Variants in PTPRD observed in about 807,000 individuals in gnomAD.
PTPRD encodes protein tyrosine phosphatase receptor type D, also known as receptor-type tyrosine-protein phosphatase delta.
Under a neutral mutation model 214.5 loss-of-function variants are expected in PTPRD, and 34 were observed. The observed-to-expected ratio is 0.16, with a 90% CI of 0.12 to 0.21. The LOEUF (loss-of-function observed/expected upper bound fraction) is 0.21, where lower values mean the gene tolerates loss of function less well. Among genes scored for constraint, PTPRD ranks in the 10% least tolerant of loss-of-function variants. The pLI, the probability that PTPRD is intolerant of heterozygous loss-of-function variation, is 1.00. For missense variants in PTPRD, 2,545 were observed against 2,398.7 expected, an observed-to-expected ratio of 1.06 and a Z score of -1.27; for synonymous variants, 1,128 against 845.7, an observed-to-expected ratio of 1.33 and a Z score of -5.79.
chr9:8,724,231 C>G (rs1004522714), intron 12 of PTPRD, among the ~76,000 whole-genome samples: 25 of 152,184 alleles, frequency 1.6e-4, no homozygotes, highest in African/African-American at 6.0e-4. Context: ...CAAAGGATTA[C>G]TTATAAGGTA....
chr9:9,942,162 CTG>C (rs779446609), intron 4 of PTPRD, among the ~76,000 whole-genome samples: 1 of 152,140 alleles, frequency 6.6e-6, no homozygotes, highest in East Asian at 1.9e-4. Context: ...TGATTGGCAT[CTG>C]TGTGTCTTTG....
At chr9:9,813,870 G>GCTCATCAA (rs1555149445) in intron 5 of PTPRD, among the ~76,000 whole-genome samples, 2 of 151,810 alleles carry the variant, frequency 1.3e-5, no homozygotes, top group African/African-American at 4.8e-5. Context: ...CAAAATATTA[G>GCTCATCAA]CAAATTTAAT....
chr9:8,472,030 G>T (rs576154107), intron 30 of PTPRD, among the ~76,000 whole-genome samples: 1 of 152,100 alleles, frequency 6.6e-6, no homozygotes, highest in Non-Finnish European at 1.5e-5. Flanking sequence ...CTCCTACAGA[G>T]AAATTCTCTG....
intron 12 of PTPRD, among the ~76,000 whole-genome samples, chr9:8,673,186 C>T (rs1646833336): frequency 6.6e-6 from 1 of 151,546 alleles, no homozygotes; most frequent in Non-Finnish European, 1.5e-5. Flanking sequence ...CTCTATGAAA[C>T]ACAGCGGCTG....
intron 3 of PTPRD, among the ~76,000 whole-genome samples, chr9:10,153,953 G>A (rs1039073262): frequency 1.3e-5 from 2 of 152,088 alleles, no homozygotes; most frequent in Non-Finnish European, 2.9e-5. Flanking sequence ...ACAGACACAT[G>A]CATGTATTTT....
At chr9:9,236,464 C>A (rs1398337107) in intron 9 of PTPRD, among the ~76,000 whole-genome samples, 1 of 151,730 alleles carries the variant, frequency 6.6e-6, no homozygotes, top group African/African-American at 2.4e-5. Flanking sequence ...CCCATAAATT[C>A]TCCTCTCTGC....
In PTPRD at chr9:8,343,867, G is replaced by A. The variant is rs149934667; in HGVS notation, c.4662-1889C>T. On this transcript the variant is annotated intron_variant, in intron 39 of 45. Transcript: ENST00000381196. ...GTAATGAGCAGCCCGTCCCGGTAAG[G>A]TAAGCCTACTTAGGAAGCAGGACTC... Among the ~76,000 whole-genome samples, 1,321 of 152,114 alleles carry A rather than the reference G, an allele frequency of 8.7e-3. 7 individuals are homozygous for A. The highest frequency in any genetic ancestry group is 0.023 in the East Asian group (118 of 5,150).
chr9:9,323,580 G>A (rs115423963), intron 9 of PTPRD, among the ~76,000 whole-genome samples: 2,679 of 152,048 alleles, frequency 0.018, 78 homozygotes, highest in African/African-American at 0.062. Context: ...ATACCAATTC[G>A]AGAACCATCA....
chr9:10,328,955 G>T (rs2096699343), intron 3 of PTPRD, among the ~76,000 whole-genome samples: 1 of 151,658 alleles, frequency 6.6e-6, no homozygotes, highest in Admixed American at 6.6e-5. Context: ...TGGCTACACT[G>T]TGCAAAATAT....
chr9:8,950,184 C>T (rs1168455566), intron 11 of PTPRD, among the ~76,000 whole-genome samples: 2 of 152,110 alleles, frequency 1.3e-5, no homozygotes, highest in Non-Finnish European at 2.9e-5. Flanking sequence ...TGCCACTCCT[C>T]TCACTAGATG....
chr9:10,094,611 G>A (rs1335693304), intron 3 of PTPRD, among the ~76,000 whole-genome samples: 2 of 144,944 alleles, frequency 1.4e-5, no homozygotes, highest in South Asian at 2.1e-4. Context: ...TTCCCATTTC[G>A]GACATTACCC....
chr9:10,222,456 T>C (rs1397159846), intron 3 of PTPRD, among the ~76,000 whole-genome samples: 6 of 152,158 alleles, frequency 3.9e-5, no homozygotes, highest in Non-Finnish European at 8.8e-5. Context: ...TATGTCTTTA[T>C]TGTCAGTTCT....
chr9:9,923,882 GA>G (rs950272564), intron 5 of PTPRD, among the ~76,000 whole-genome samples: 1 of 151,876 alleles, frequency 6.6e-6, no homozygotes, highest in Admixed American at 6.6e-5. Flanking sequence ...GTCCAACAGA[GA>G]AAAACAAAGA....
intron 7 of PTPRD, among the ~76,000 whole-genome samples, chr9:9,690,922 T>C (rs1277794142): frequency 6.6e-6 from 1 of 151,976 alleles, no homozygotes; most frequent in East Asian, 1.9e-4. Context: ...TTCTTGTTGC[T>C]CAGGATTGCT....
Position 10,585,450 on chromosome 9 carries a change from T to C in PTPRD, c.-600+26948A>G, listed in dbSNP as rs538998157. ...GTCAAAAGACAGACATATTCTCCAA[T>C]TCAGAAAAAAAAAATCACGTTTCTC... On this transcript the variant is annotated intron_variant, in intron 2 of 45. Transcript: ENST00000381196. Among the ~76,000 whole-genome samples the C allele has an allele frequency of 4.8e-5, 7 of 144,464 alleles. No homozygotes were observed. The South Asian group carries it at 1.4e-3, about 28-fold the overall frequency. 94.8% of individuals were successfully genotyped at this position (144,464 alleles called of 152,430 possible).
chr9:9,219,720 G>C (rs981596356), intron 9 of PTPRD, among the ~76,000 whole-genome samples: 1 of 152,130 alleles, frequency 6.6e-6, no homozygotes, highest in Non-Finnish European at 1.5e-5. Context: ...TAAACCTTTG[G>C]AAACATTTTC....
At chr9:9,214,077 G>A (rs1815630657) in intron 9 of PTPRD, among the ~76,000 whole-genome samples, 1 of 152,138 alleles carries the variant, frequency 6.6e-6, no homozygotes, top group African/African-American at 2.4e-5. Context: ...CAAACAAGAT[G>A]GTAACCATGG....
intron 5 of PTPRD, among the ~76,000 whole-genome samples, chr9:9,835,119 A>C (rs2056359503): frequency 6.6e-6 from 1 of 152,086 alleles, no homozygotes; most frequent in Non-Finnish European, 1.5e-5. Context: ...CCAAAGCAGC[A>C]AGGATTATAT....
At chr9:9,087,512 A>C (rs371422587) in intron 10 of PTPRD, among the ~76,000 whole-genome samples, 3 of 152,236 alleles carry the variant, frequency 2.0e-5, no homozygotes, top group East Asian at 3.9e-4. Context: ...AAGGAGGAAA[A>C]AGAACTAAGA....
Sources: allele counts gnomAD v4.1 joint callset (sites outside exome capture counted in the v4.1 genomes callset), GRCh38; gene constraint gnomAD v4.1.1; transcripts MANE v1.5; gene names NCBI Gene and HGNC (gene_info 2026-07-23, HGNC 2026-07-21).